NCAM2: variants seen among roughly 807,000 people sequenced by gnomAD.
The protein encoded by NCAM2 is neural cell adhesion molecule 2.
In NCAM2, 30 loss-of-function variants were observed where a neutral mutation model predicts 98.1. The observed-to-expected ratio is 0.31, with a 90% CI of 0.23 to 0.41. The LOEUF is 0.41. NCAM2 is among the 10% of genes least tolerant of loss of function. NCAM2 has a pLI of 1.00. For synonymous variants in NCAM2, 368 were observed against 342.4 expected (o/e 1.07, Z -0.83); for missense variants, 867 against 1,005.8 (o/e 0.86, Z 1.87).
At chr21:21,508,237 T>A (rs1042601593) in intron 15 of NCAM2, among the ~76,000 whole-genome samples, 1 of 152,178 alleles carries the variant, frequency 6.6e-6, no homozygotes, top group East Asian at 1.9e-4. Context: ...ATCTAATATA[T>A]TTGTTAAAAT....
intron 1 of NCAM2, among the ~76,000 whole-genome samples, chr21:21,199,985 G>A (rs2226698): frequency 0.89 from 135,039 of 152,038 alleles, 60,611 homozygotes; most frequent in Non-Finnish European, 0.96. Context: ...TGCTGTGCAT[G>A]TTAACGCAAG....
intron 12 of NCAM2, among the ~76,000 whole-genome samples, chr21:21,447,699 A>G (rs1231016584): frequency 6.6e-6 from 1 of 150,430 alleles, no homozygotes; most frequent in Non-Finnish European, 1.5e-5. Flanking sequence ...AATTTACAAG[A>G]AAAAAACAAA....
chr21:21,124,759 T>C (rs1249819394), intron 1 of NCAM2, among the ~76,000 whole-genome samples: 2 of 152,154 alleles, frequency 1.3e-5, no homozygotes, highest in Non-Finnish European at 2.9e-5. Flanking sequence ...GCTATCACCA[T>C]CCTAAAACAA....
At chr21:21,469,355 C>A (rs188871904) in intron 14 of NCAM2, among the ~76,000 whole-genome samples, 2 of 147,416 alleles carry the variant, frequency 1.4e-5, no homozygotes, top group African/African-American at 4.9e-5. Flanking sequence ...TCACTAGTTG[C>A]AGAGTCATAG....
intron 1 of NCAM2, among the ~76,000 whole-genome samples, chr21:21,028,399 C>A (rs1037784081): frequency 6.6e-6 from 1 of 152,192 alleles, no homozygotes; most frequent in African/African-American, 2.4e-5. Flanking sequence ...TTATAAGATT[C>A]TTTAATGAGG....
intron 11 of NCAM2, among the ~76,000 whole-genome samples, chr21:21,420,389 A>G (rs951356193): frequency 2.0e-5 from 3 of 152,004 alleles, no homozygotes; most frequent in Non-Finnish European, 4.4e-5. Context: ...AGGAATCCTA[A>G]AATACATTTT....
At chr21:21,295,388 C>A (rs2073440510) in intron 5 of NCAM2, among the ~76,000 whole-genome samples, 1 of 151,626 alleles carries the variant, frequency 6.6e-6, no homozygotes. Flanking sequence ...TTTTCAATGC[C>A]TGGGTATTGT....
At chr21:21,040,062 G>C (rs146877797) in intron 1 of NCAM2, among the ~76,000 whole-genome samples, 1 of 152,114 alleles carries the variant, frequency 6.6e-6, no homozygotes, top group Non-Finnish European at 1.5e-5. Flanking sequence ...TCTCTCTACA[G>C]TCCTCTATTT....
chr21:21,414,373 T>C (rs2076944833), intron 10 of NCAM2, among the ~76,000 whole-genome samples: 2 of 152,206 alleles, frequency 1.3e-5, no homozygotes, highest in Non-Finnish European at 2.9e-5. Flanking sequence ...GTGAATCCTT[T>C]TCAGAAGATT....
Position 21,324,517 on chromosome 21 carries a change from C to A in NCAM2, c.737+17C>A, listed in dbSNP as rs232467. On this transcript the variant is annotated intron_variant, in intron 6 of 17. Coordinates refer to ENST00000400546, the MANE Select transcript of NCAM2 (RefSeq NM_004540.5). The stretch of plus-strand genomic sequence containing the variant: ...CTGGTTCAGGTAGGTTATGCACCCC[C>A]CTCCCTCTGGCTTGTGTCCATTATC... The A allele has an allele frequency of 4.6e-6, 7 of 1,529,650 alleles. No individual in the cohort carries two copies. The highest frequency in any genetic ancestry group is 4.5e-5 in the East Asian group (2 of 44,366). 94.8% of individuals were successfully genotyped at this position (1,529,650 alleles called of 1,614,324 possible).
At chr21:21,290,050 C>T (rs1425049364) in intron 4 of NCAM2, 1 of 151,890 alleles carries the variant, frequency 6.6e-6, no homozygotes, top group Non-Finnish European at 1.5e-5. Context: ...TGGAATTTGC[C>T]TTCCATGGAG....
At chr21:21,056,107 C>T (rs548349062) in intron 1 of NCAM2, among the ~76,000 whole-genome samples, 34 of 152,028 alleles carry the variant, frequency 2.2e-4, no homozygotes, top group African/African-American at 5.5e-4. Flanking sequence ...ACTATCTTTA[C>T]GCATAGCAAT....
At chr21:21,482,380 T>G (rs1469365764) in intron 15 of NCAM2, among the ~76,000 whole-genome samples, 1 of 152,104 alleles carries the variant, frequency 6.6e-6, no homozygotes, top group Non-Finnish European at 1.5e-5. Flanking sequence ...TCAAACATAT[T>G]AGAAATAAGT....
chr21:21,263,677 A>C (rs540342064), intron 1 of NCAM2, among the ~76,000 whole-genome samples: 184 of 152,298 alleles, frequency 1.2e-3, no homozygotes, highest in African/African-American at 4.2e-3. Flanking sequence ...TCAATGAAAC[A>C]GAATAGACAA....
intron 8 of NCAM2, among the ~76,000 whole-genome samples, chr21:21,350,815 C>A (rs535210320): frequency 6.6e-6 from 1 of 151,454 alleles, no homozygotes; most frequent in Non-Finnish European, 1.5e-5. Context: ...AGGTCGGGTG[C>A]GGTGGCTCAC....
chr21:21,363,934 C>G (rs232498), intron 8 of NCAM2, among the ~76,000 whole-genome samples: 3 of 151,852 alleles, frequency 2.0e-5, no homozygotes, highest in East Asian at 1.9e-4. Context: ...AGAGTTTCTT[C>G]TCTTTTAATT....
At chr21:21,379,474 A>G (rs543310817) in intron 9 of NCAM2, among the ~76,000 whole-genome samples, 1 of 152,232 alleles carries the variant, frequency 6.6e-6, no homozygotes, top group East Asian at 1.9e-4. Flanking sequence ...GTTGTGATTC[A>G]GCTAAAAATA....
intron 1 of NCAM2, among the ~76,000 whole-genome samples, chr21:21,171,064 G>T (rs1190542034): frequency 6.6e-6 from 1 of 152,178 alleles, no homozygotes; most frequent in East Asian, 1.9e-4. Context: ...AGACAAGGGT[G>T]TGGTAATACA....
intron 1 of NCAM2, among the ~76,000 whole-genome samples, chr21:21,052,522 T>C (rs948659099): frequency 2.6e-5 from 4 of 151,924 alleles, no homozygotes; most frequent in African/African-American, 9.7e-5. Flanking sequence ...ATAGTAAAGA[T>C]TCCCCAAATC....
Sources: gnomAD v4.1 joint callset for allele counts (sites outside exome capture counted in the v4.1 genomes callset) on GRCh38, gnomAD v4.1.1 for gene constraint, MANE v1.5 for transcripts, NCBI Gene and HGNC (gene_info 2026-07-23, HGNC 2026-07-21) for gene names.